PHYHIPL: variants seen among roughly 807,000 people sequenced by gnomAD.
The protein encoded by PHYHIPL is phytanoyl-CoA 2-hydroxylase interacting protein like.
In PHYHIPL, 9 loss-of-function variants were observed where a neutral mutation model predicts 33.4. The observed-to-expected ratio is 0.27, with a 90% CI of 0.16 to 0.47. The LOEUF is 0.47. Among genes scored for constraint, PHYHIPL ranks in the 20% least tolerant of loss-of-function variants. The probability of loss-of-function intolerance (pLI) is 0.99; values close to 1 mark genes in which losing one functional copy is unlikely to be tolerated. For missense variants in PHYHIPL, 365 were observed against 460.7 expected, an observed-to-expected ratio of 0.79 and a Z score of 1.90; for synonymous variants, 153 against 154.1, an observed-to-expected ratio of 0.99 and a Z score of 0.05.
In PHYHIPL at chr10:59,176,768, C is replaced by T. The variant is rs1376692188; in HGVS notation, c.-86C>T. ...CCTCCTTCCCTCCCTCTGCCACTCC[C>T]CCTCCCTTTCCCGCTCTTCTTGCCC... On this transcript the variant is annotated 5_prime_UTR_variant, in exon 1 of 5. Transcript: ENST00000373880. 8.1e-7 allele frequency: 1 copy of T among 1,230,622 alleles called. No homozygotes were observed. The highest frequency in any genetic ancestry group is 1.1e-6 in the Non-Finnish European group (1 of 874,978). 76.2% of individuals were successfully genotyped at this position (1,230,622 alleles called of 1,614,324 possible).
At chr10:59,208,475 G>A (rs1215194890) in intron 1 of PHYHIPL, among the ~76,000 whole-genome samples, 1 of 152,084 alleles carries the variant, frequency 6.6e-6, no homozygotes, top group Non-Finnish European at 1.5e-5. Context: ...GGAAAAACCA[G>A]CGCAAAAAGG....
chr10:59,230,412 G>A (rs1004220594), intron 1 of PHYHIPL, among the ~76,000 whole-genome samples: 6 of 151,666 alleles, frequency 4.0e-5, no homozygotes, highest in Non-Finnish European at 7.4e-5. Context: ...ACAGTGTTTC[G>A]CCATGTTGCC....
At chr10:59,244,562 C>CAA (rs71006239) in intron 4 of PHYHIPL, among the ~76,000 whole-genome samples, 737 of 39,460 alleles carry the variant, frequency 0.019, 83 homozygotes, top group African/African-American at 0.043. Context: ...GACTCTGTCT[C>CAA]AAAAAAAAAA....
intron 1 of PHYHIPL, among the ~76,000 whole-genome samples, chr10:59,201,227 G>A (rs979838282): frequency 6.6e-6 from 1 of 152,044 alleles, no homozygotes; most frequent in Non-Finnish European, 1.5e-5. Context: ...ACAATGCTTT[G>A]AATGTGTCCC....
rs897459394 is a variant in PHYHIPL at position 59,212,409 on chromosome 10, C to G, written c.107-21895C>G. Among the ~76,000 whole-genome samples the G allele has an allele frequency of 3.9e-5, 6 of 152,278 alleles. No homozygotes were observed. In the East Asian group the frequency reaches 1.2e-3, roughly 29 times the overall value. On this transcript the variant is annotated intron_variant, in intron 1 of 4. Transcript: ENST00000373880. Reference sequence around the variant, plus strand: ...TAAAGGTTTCTCCATTCATAATGAACTGTAATCTCATTGCATGTATAAACA... The same window carrying G: ...TAAAGGTTTCTCCATTCATAATGAAGTGTAATCTCATTGCATGTATAAACA...
chr10:59,197,450 A>G (rs1838950479), intron 1 of PHYHIPL, among the ~76,000 whole-genome samples: 1 of 152,168 alleles, frequency 6.6e-6, no homozygotes, highest in Non-Finnish European at 1.5e-5. Context: ...TGGTTTTGGC[A>G]TCTGTTACCC....
intron 1 of PHYHIPL, among the ~76,000 whole-genome samples, chr10:59,185,103 G>T (rs1838544333): frequency 6.9e-6 from 1 of 145,736 alleles, no homozygotes; most frequent in African/African-American, 2.6e-5. Context: ...CCATTCTCCT[G>T]CCTCAGCCTC....
intron 1 of PHYHIPL, among the ~76,000 whole-genome samples, chr10:59,207,566 TTCCTC>T (rs1839321645): frequency 6.6e-6 from 1 of 152,100 alleles, no homozygotes; most frequent in Admixed American, 6.5e-5. Context: ...CCTCTCTAGA[TTCCTC>T]CTCTCTAGGC....
intron 1 of PHYHIPL, among the ~76,000 whole-genome samples, chr10:59,232,739 G>A (rs1167337580): frequency 7.0e-6 from 1 of 143,308 alleles, no homozygotes; most frequent in East Asian, 2.0e-4. Context: ...TAATGCAGAT[G>A]ATTTCTACAA....
At chr10:59,219,140 A>T (rs1424105057) in intron 1 of PHYHIPL, 3 of 386,486 alleles carry the variant, frequency 7.8e-6, no homozygotes, top group African/African-American at 2.2e-5. Context: ...ATAATATTCT[A>T]GGTATTTTGA....
At chr10:59,201,211 C>G (rs1262036667) in intron 1 of PHYHIPL, among the ~76,000 whole-genome samples, 3 of 152,168 alleles carry the variant, frequency 2.0e-5, no homozygotes, top group Non-Finnish European at 4.4e-5. Context: ...ATAAATTTCC[C>G]TCTACACAAT....
chr10:59,215,695 G>T (rs1839595074), intron 1 of PHYHIPL, among the ~76,000 whole-genome samples: 1 of 151,868 alleles, frequency 6.6e-6, no homozygotes. Context: ...CAGTAGTAAT[G>T]GGACAAATTT....
intron 1 of PHYHIPL, among the ~76,000 whole-genome samples, chr10:59,196,689 T>C (rs997619291): frequency 1.3e-5 from 2 of 152,120 alleles, no homozygotes; most frequent in African/African-American, 4.8e-5. Flanking sequence ...AAGTGTGGTA[T>C]TACACGTGTG....
intron 4 of PHYHIPL, among the ~76,000 whole-genome samples, chr10:59,244,586 A>AAAAAAAAAAAG (rs1554801182): frequency 2.2e-5 from 3 of 136,584 alleles, no homozygotes; most frequent in Admixed American, 7.3e-5. Flanking sequence ...AAAAAAAAAA[A>AAAAAAAAAAAG]GCCAAAACAA....
At position 59,246,621 on chromosome 10, in the gene PHYHIPL, CAAAT is replaced by C. The variant is rs1376962908; in HGVS notation, c.*1036_*1039del. The C allele has an allele frequency of 4.5e-5, 18 of 397,548 alleles. No homozygotes were observed. In the Admixed American group the frequency reaches 6.2e-4, roughly 14 times the overall value. The allele number at this position is 397,548 out of a possible 1,614,324, so 24.6% of individuals were successfully genotyped here. A position where few individuals can be genotyped will look rare whatever the true frequency, so the allele number is the denominator to read the frequency against. On this transcript the variant is annotated 3_prime_UTR_variant, in exon 5 of 5. Coordinates refer to ENST00000373880, the MANE Select transcript of PHYHIPL (RefSeq NM_032439.4). The stretch of plus-strand genomic sequence containing the variant: ...ATGATATACACTGAAGTTGATGAAG[CAAAT>C]AAATATTCTGGCTTCTTTTTCAAGG...
intron 1 of PHYHIPL, among the ~76,000 whole-genome samples, chr10:59,197,840 C>T (rs1291416539): frequency 6.6e-6 from 1 of 152,118 alleles, no homozygotes. Flanking sequence ...TTGTGCTCCT[C>T]TTACATATTA....
chr10:59,224,778 T>C (rs1363024110), intron 1 of PHYHIPL, among the ~76,000 whole-genome samples: 1 of 152,156 alleles, frequency 6.6e-6, no homozygotes, highest in Non-Finnish European at 1.5e-5. Context: ...CTTTTTGCTC[T>C]TCACAAAATC....
At chr10:59,188,745 T>C (rs1838693892) in intron 1 of PHYHIPL, among the ~76,000 whole-genome samples, 1 of 152,000 alleles carries the variant, frequency 6.6e-6, no homozygotes, top group Admixed American at 6.6e-5. Flanking sequence ...TCTTTTGATC[T>C]TTGTTGGTTT....
chr10:59,244,907 A>G, intron 4 of PHYHIPL, 150 bp from the exon 5 acceptor site: 1 of 732,424 alleles, frequency 1.4e-6, no homozygotes, highest in Non-Finnish European at 2.1e-6. Flanking sequence ...TATAGGTAAT[A>G]TGTCAAAAGA....
Sources: gnomAD v4.1 joint callset for allele counts (sites outside exome capture counted in the v4.1 genomes callset) on GRCh38, gnomAD v4.1.1 for gene constraint, MANE v1.5 for transcripts, NCBI Gene and HGNC (gene_info 2026-07-23, HGNC 2026-07-21) for gene names.